The following LMTK2 variants were observed in gnomAD, a reference collection of about 807,000 sequenced individuals.
The protein encoded by LMTK2 is serine/threonine-protein kinase LMTK2.
Under a neutral mutation model 127.5 loss-of-function variants are expected in LMTK2, and 37 were observed. That is an observed-to-expected ratio of 0.29 (90% CI 0.22 to 0.38). The LOEUF (loss-of-function observed/expected upper bound fraction) is 0.38, where lower values mean the gene tolerates loss of function less well. Among genes scored for constraint, LMTK2 ranks in the 10% least tolerant of loss-of-function variants. The probability of loss-of-function intolerance (pLI) is 1.00; values close to 1 mark genes in which losing one functional copy is unlikely to be tolerated. For synonymous variants in LMTK2, 819 were observed against 810.1 expected, an observed-to-expected ratio of 1.01 and a Z score of -0.19; for missense variants, 1,694 against 1,920.3, an observed-to-expected ratio of 0.88 and a Z score of 2.20.
chr7:98,193,320 A>G lies in LMTK2; in HGVS notation c.2855A>G (p.Gln952Arg). 1 of 1,614,146 alleles carries G rather than the reference A, an allele frequency of 6.2e-7. No individual in the cohort carries two copies. Among genetic ancestry groups the G allele is most frequent in the Non-Finnish European group, 8.5e-7 (1 of 1,180,036 alleles). ...KNLEAVETLN[Q>R]LNSKDAAKEA... ...TTAGAGGCTGTGGAGACTTTAAATC[A>G]GCTCAATTCTAAAGACGCAGCAAAA... Residue 952 changes from glutamine (Q) to arginine (R), a missense_variant, in exon 11 of 14, where the codon CAG (glutamine) becomes CGG (arginine). Gln to Arg is a conservative substitution (Grantham distance 43). This residue lies in a region of LMTK2 where 527 missense variants were observed against 539.8 expected (regional missense o/e 0.98). Coordinates refer to ENST00000297293, the MANE Select transcript of LMTK2 (RefSeq NM_014916.4). This position sits in a 1 kb window ranked among gnomAD's most constrained non-coding sequence, Gnocchi z 4.1.
chr7:98,149,019 C>G (rs1239396180), intron 3 of LMTK2, among the ~76,000 whole-genome samples: 1 of 152,258 alleles, frequency 6.6e-6, no homozygotes, highest in Non-Finnish European at 1.5e-5. Context: ...TTGGCCTCAA[C>G]TGTTGTTTTT....
intron 4 of LMTK2, among the ~76,000 whole-genome samples, chr7:98,152,798 G>C (rs1173264814): frequency 6.6e-6 from 1 of 152,178 alleles, no homozygotes; most frequent in Non-Finnish European, 1.5e-5. Flanking sequence ...AAGTCATAGA[G>C]GGGGAAGGTG....
In LMTK2 at chr7:98,203,925, TTTTA is replaced by T. The variant is rs1797747806; in HGVS notation, c.4241-15_4241-12del. 1 of 1,611,656 alleles carries T rather than the reference TTTTA, an allele frequency of 6.2e-7. No homozygotes were observed. Among genetic ancestry groups the T allele is most frequent in the African/African-American group, 1.3e-5 (1 of 74,678 alleles). On this transcript the variant is annotated splice_polypyrimidine_tract_variant and intron_variant, in intron 12 of 13. Coordinates refer to ENST00000297293, the MANE Select transcript of LMTK2 (RefSeq NM_014916.4). ...TCACGCAGTGATAAAAAGGGTGGGGTTTTATTTTTTATTTCTAGGTGGTGGCTTT... is the reference window on the plus strand; with the variant it reads ...TCACGCAGTGATAAAAAGGGTGGGGTTTTTTTATTTCTAGGTGGTGGCTTT...
rs185609098 is a variant in LMTK2 at position 98,157,703 on chromosome 7, G to T, written c.570-1635G>T. Reference sequence around the variant, plus strand: ...GGAACACCTTGGATGACCTCAGGGGGATTATGTTGAGTGAAAAAATCAATC... The same window carrying T: ...GGAACACCTTGGATGACCTCAGGGGTATTATGTTGAGTGAAAAAATCAATC... On this transcript the variant is annotated intron_variant, in intron 5 of 13. Coordinates refer to ENST00000297293, the MANE Select transcript of LMTK2 (RefSeq NM_014916.4). Among the ~76,000 whole-genome samples the T allele has an allele frequency of 8.0e-3, 1,205 of 150,892 alleles. 5 individuals are homozygous for T. Among genetic ancestry groups the T allele is most frequent in the Middle Eastern group, 0.021 (6 of 290 alleles).
chr7:98,185,717 A>G (rs1471526723), intron 8 of LMTK2, among the ~76,000 whole-genome samples: 1 of 147,034 alleles, frequency 6.8e-6, no homozygotes, highest in African/African-American at 2.5e-5. Flanking sequence ...CTTGACCTCC[A>G]TTTTCTTTTC....
chr7:98,182,315 T>C (rs1797366731), intron 7 of LMTK2, among the ~76,000 whole-genome samples: 1 of 152,106 alleles, frequency 6.6e-6, no homozygotes, highest in African/African-American at 2.4e-5. Flanking sequence ...AACCACCAAA[T>C]GGAGAAAGTA....
intron 5 of LMTK2, among the ~76,000 whole-genome samples, chr7:98,155,144 A>T (rs1796910168): frequency 6.6e-6 from 1 of 152,234 alleles, no homozygotes; most frequent in African/African-American, 2.4e-5. Context: ...TAAAGCACTC[A>T]TCATAAAAAT....
rs765952936 is a variant in LMTK2 at position 98,151,406 on chromosome 7, G to A, written c.401G>A (p.Arg134His). ...GAGGGATTGAAGTCTCAAGTTGCCCGCCACAGTCTAAACTACATACAGGAA... is the reference window on the plus strand; with the variant it reads ...GAGGGATTGAAGTCTCAAGTTGCCCACCACAGTCTAAACTACATACAGGAA... ...SVEGLKSQVARHSLNYIQEIG... is the reference protein window; with the variant it reads ...SVEGLKSQVAHHSLNYIQEIG... Residue 134 changes from arginine to histidine, a missense_variant, in exon 4 of 14, where the codon CGC (arginine) becomes CAC (histidine). Arg to His is a conservative substitution (Grantham distance 29, BLOSUM62 0). Coordinates refer to ENST00000297293, the MANE Select transcript of LMTK2 (RefSeq NM_014916.4). 19 of 1,612,846 alleles carry A rather than the reference G, an allele frequency of 1.2e-5. No homozygotes were observed. Among genetic ancestry groups the A allele is most frequent in the South Asian group, 2.2e-5 (2 of 90,988 alleles).
At chr7:98,170,724 T>A (rs1797170610) in intron 6 of LMTK2, among the ~76,000 whole-genome samples, 1 of 152,134 alleles carries the variant, frequency 6.6e-6, no homozygotes, top group Non-Finnish European at 1.5e-5. Flanking sequence ...AAGATTTTAT[T>A]CCCTCAGAAG....
At chr7:98,165,056 G>A (rs6465656) in intron 6 of LMTK2, among the ~76,000 whole-genome samples, 150,860 of 152,338 alleles carry the variant, frequency 0.99, 74,716 homozygotes, top group Middle Eastern at 1. Context: ...TCCGCTGGCT[G>A]TCCTTTGACA....
At position 98,171,434 on chromosome 7, in the gene LMTK2, GT is replaced by G; in HGVS notation, c.658-104del. On this transcript the variant is annotated intron_variant, in intron 6 of 13. Coordinates refer to ENST00000297293, the MANE Select transcript of LMTK2 (RefSeq NM_014916.4). The surrounding 1 kb of genome is among the most constrained non-coding windows in gnomAD (Gnocchi z 5.1). The stretch of plus-strand genomic sequence containing the variant: ...ACTTCTTTAAGTATGAACAAAAGAA[GT>G]TTCTAATAAATAATCTTAACAGTTA... 1 of 1,439,324 alleles carries G rather than the reference GT, an allele frequency of 6.9e-7. No homozygotes were observed. The highest frequency in any genetic ancestry group is 1.2e-5 in the South Asian group (1 of 86,832). 89.2% of individuals were successfully genotyped at this position (1,439,324 alleles called of 1,614,324 possible).
At chr7:98,186,445 G>C (rs191371586) in intron 8 of LMTK2, among the ~76,000 whole-genome samples, 1 of 152,304 alleles carries the variant, frequency 6.6e-6, no homozygotes, top group African/African-American at 2.4e-5. Context: ...TCACAAAGTT[G>C]TTGCTTGCGT....
chr7:98,195,547 G>T (rs1203318330), intron 11 of LMTK2, among the ~76,000 whole-genome samples: 1 of 152,098 alleles, frequency 6.6e-6, no homozygotes, highest in Non-Finnish European at 1.5e-5. Flanking sequence ...CAGCTGGATT[G>T]TTGGGAGAGC....
At chr7:98,132,836 A>G (rs1027844210) in intron 1 of LMTK2, among the ~76,000 whole-genome samples, 1 of 151,982 alleles carries the variant, frequency 6.6e-6, no homozygotes. Context: ...TTAGTTAATT[A>G]CATATGGGTC....
In LMTK2 at chr7:98,194,411, C is replaced by T. The variant is rs1191796671; in HGVS notation, c.3946C>T (p.His1316Tyr). Residue 1316 changes from histidine to tyrosine, a missense_variant, in exon 11 of 14, where the codon CAC (histidine) becomes TAC (tyrosine). His to Tyr is a moderately conservative substitution (Grantham distance 83, BLOSUM62 2). Coordinates refer to ENST00000297293, the MANE Select transcript of LMTK2 (RefSeq NM_014916.4). The surrounding 1 kb of genome is among the most constrained non-coding windows in gnomAD (Gnocchi z 5.4). The stretch of plus-strand genomic sequence containing the variant: ...CTCCGAGTCGGAGGACGAGACCGAG[C>T]ACCCCGTGCCCATCATCCTCAGCAA... ...LSSESEDETEHPVPIILSNED... is the reference protein window; with the variant it reads ...LSSESEDETEYPVPIILSNED... 6.2e-7 allele frequency: 1 copy of T among 1,614,150 alleles called. No individual in the cohort carries two copies. The highest frequency in any genetic ancestry group is 8.5e-7 in the Non-Finnish European group (1 of 1,180,040).
intron 1 of LMTK2, among the ~76,000 whole-genome samples, chr7:98,123,218 G>A (rs1163192937): frequency 6.6e-6 from 1 of 152,130 alleles, no homozygotes; most frequent in Non-Finnish European, 1.5e-5. Context: ...TTTCTACTAT[G>A]CATGACAAGG....
At chr7:98,165,423 G>T (rs866428256) in intron 6 of LMTK2, among the ~76,000 whole-genome samples, 2 of 152,230 alleles carry the variant, frequency 1.3e-5, no homozygotes, top group African/African-American at 2.4e-5. Flanking sequence ...TGAGGGTGCA[G>T]AGTTACCAGT....
chr7:98,171,617 T>G lies in LMTK2; in HGVS notation c.734T>G (p.Met245Arg). ...TCACAGACCATGCTGCTGCAGAGGA[T>G]GGCGTGCGAGGTCGCCGCGGGGCTG... ...GDSQTMLLQR[M>R]ACEVAAGLAA... The change falls in exon 7 of 14, where the codon ATG becomes AGG. Residue 245 changes from methionine (M) to arginine (R), a missense_variant. Transcript: ENST00000297293. The surrounding 1 kb of genome is among the most constrained non-coding windows in gnomAD (Gnocchi z 5.1). 6.2e-7 allele frequency: 1 copy of G among 1,611,922 alleles called. No individual in the cohort carries two copies. The highest frequency in any genetic ancestry group is 8.5e-7 in the Non-Finnish European group (1 of 1,179,336).
In LMTK2 at chr7:98,107,709, G is replaced by A. The variant is rs528749007; in HGVS notation, c.103+429G>A. On this transcript the variant is annotated intron_variant, in intron 1 of 13. Transcript: ENST00000297293. ...CAAATGACTTGGCGAGCTGTGCGGAGTTTGTTTTCGCTCCTTGCAACTTAT... is the reference window on the plus strand; with the variant it reads ...CAAATGACTTGGCGAGCTGTGCGGAATTTGTTTTCGCTCCTTGCAACTTAT... Among the ~76,000 whole-genome samples the A allele has an allele frequency of 6.6e-5, 10 of 152,322 alleles. No individual in the cohort carries two copies. In the South Asian group the frequency reaches 2.1e-3, roughly 32 times the overall value.
Sources: allele counts gnomAD v4.1 joint callset (sites outside exome capture counted in the v4.1 genomes callset), GRCh38; gene constraint gnomAD v4.1.1; regional missense constraint gnomAD v4.1.1; non-coding constraint Gnocchi (gnomAD v3.1); transcripts MANE v1.5; gene names NCBI Gene and HGNC (gene_info 2026-07-23, HGNC 2026-07-21).